The following GABPB2 variants were observed in gnomAD, a reference collection of about 807,000 sequenced individuals.
GABPB2 encodes GA-binding protein subunit beta-2.
In GABPB2, 23 loss-of-function variants were observed where a neutral mutation model predicts 39.1. The observed-to-expected ratio is 0.59, with a 90% CI of 0.42 to 0.83. GABPB2 has a LOEUF of 0.83. GABPB2 is among the 40% of genes least tolerant of loss of function. The pLI is 0.00. For missense variants in GABPB2, 467 were observed against 541.1 expected, an observed-to-expected ratio of 0.86 and a Z score of 1.36; for synonymous variants, 184 against 199.3, an observed-to-expected ratio of 0.92 and a Z score of 0.65.
intron 6 of GABPB2, among the ~76,000 whole-genome samples, chr1:151,105,823 A>G (rs887973058): frequency 1.3e-5 from 2 of 152,064 alleles, no homozygotes; most frequent in Non-Finnish European, 2.9e-5. Flanking sequence ...TTCTTGATTT[A>G]TCAGAGGAAA....
intron 1 of GABPB2, among the ~76,000 whole-genome samples, chr1:151,078,272 GA>G (rs749005394): frequency 0.014 from 1,346 of 95,090 alleles, 4 homozygotes; most frequent in Admixed American, 0.018. Flanking sequence ...ACTTCAACTC[GA>G]AAAAAAAAAA....
At chr1:151,094,598 C>T (rs1678970127) in intron 4 of GABPB2, among the ~76,000 whole-genome samples, 1 of 151,252 alleles carries the variant, frequency 6.6e-6, no homozygotes, top group African/African-American at 2.4e-5. Flanking sequence ...ATCCGCCTGC[C>T]TCGGCCTCCC....
chr1:151,075,137 C>T lies in GABPB2; in HGVS notation c.-1+4203C>T, dbSNP rs1571876496. Among the ~76,000 whole-genome samples the T allele has an allele frequency of 2.7e-5, 4 of 150,882 alleles. No individual in the cohort carries two copies. In the East Asian group the frequency reaches 8.0e-4, roughly 30 times the overall value. Reference sequence around the variant, plus strand: ...AGTCTGGGCGACAGAGTGAGACAGTCTCAAAAAACAAAACAAGGGCCAGGC... The same window carrying T: ...AGTCTGGGCGACAGAGTGAGACAGTTTCAAAAAACAAAACAAGGGCCAGGC... On this transcript the variant is annotated intron_variant, in intron 1 of 8. Transcript: ENST00000368918.
At chr1:151,112,688 A>C in intron 7 of GABPB2, 2 of 214,560 alleles carry the variant, frequency 9.3e-6, no homozygotes, top group South Asian at 7.9e-5. Flanking sequence ...ACCCTGGCCA[A>C]ATTTTTGTGG....
rs1681195630 is a variant in GABPB2 at position 151,121,857 on chromosome 1, T to C, written c.*3601T>C. 6.6e-6 allele frequency: 1 copy of C among 152,204 alleles called. No homozygotes were observed. Among genetic ancestry groups the C allele is most frequent in the African/African-American group, 2.4e-5 (1 of 41,456 alleles). The allele number at this position is 152,204 out of a possible 1,614,324, so 9.4% of individuals were successfully genotyped here. ...TTACAGAGGTTATTGCCTTTGAAAC[T>C]GGGCCCTCATCATTCTAGACTTGCT... On this transcript the variant is annotated 3_prime_UTR_variant, in exon 9 of 9. Transcript: ENST00000368918.
chr1:151,107,225 G>C lies in GABPB2; in HGVS notation c.922+3G>C. On this transcript the variant is annotated splice_donor_region_variant and intron_variant, in intron 7 of 8. Transcript: ENST00000368918. ...AACTGTGCAAGATGGACAGCAAGGT[G>C]AGTTATCTCTTGTAGACAATTGTTT... The C allele has an allele frequency of 1.3e-6, 2 of 1,560,700 alleles. No homozygotes were observed. The highest frequency in any genetic ancestry group is 1.7e-6 in the Non-Finnish European group (2 of 1,154,514).
In GABPB2 at chr1:151,118,422, C is replaced by A; in HGVS notation, c.*166C>A. The A allele has an allele frequency of 1.6e-6, 1 of 628,912 alleles. No individual in the cohort carries two copies. The highest frequency in any genetic ancestry group is 2.6e-6 in the Non-Finnish European group (1 of 387,366). The allele number at this position is 628,912 out of a possible 1,614,324, so 39.0% of individuals were successfully genotyped here. The stretch of plus-strand genomic sequence containing the variant: ...AGTTTCTCTGTGCAACTAGAAAATT[C>A]AAAGCCATATTTAGGGAACATTTTT... On this transcript the variant is annotated 3_prime_UTR_variant, in exon 9 of 9. Transcript: ENST00000368918.
chr1:151,093,300 G>C lies in GABPB2; in HGVS notation c.385G>C (p.Asp129His), dbSNP rs1336413434. Residue 129 changes from aspartate to histidine, a missense_variant, in exon 4 of 9, where the codon GAT becomes CAT. By Grantham distance (81) the Asp-to-His change is moderately conservative (BLOSUM62 -1). Transcript: ENST00000368918. Reference sequence around the variant, plus strand: ...AGAGTTACTTATCAAATATGGAGCTGATGTCCATGCTTTCAGCAAATTTGA... The same window carrying C: ...AGAGTTACTTATCAAATATGGAGCTCATGTCCATGCTTTCAGCAAATTTGA... ...VVELLIKYGADVHAFSKFDKS... is the reference protein window; with the variant it reads ...VVELLIKYGAHVHAFSKFDKS... 1 of 1,612,648 alleles carries C rather than the reference G, an allele frequency of 6.2e-7. No individual in the cohort carries two copies. The highest frequency in any genetic ancestry group is 8.5e-7 in the Non-Finnish European group (1 of 1,179,470).
Position 151,103,563 on chromosome 1 carries a change from T to G in GABPB2, c.624T>G (p.Gly208=), listed in dbSNP as rs1679705172. The G allele has an allele frequency of 1.9e-6, 3 of 1,608,884 alleles. No homozygotes were observed. Among genetic ancestry groups the G allele is most frequent in the Non-Finnish European group, 2.6e-6 (3 of 1,175,818 alleles). Residue 208 remains glycine, a splice_region_variant and synonymous_variant, in exon 6 of 9, where the codon GGT becomes GGG. Coordinates refer to ENST00000368918, the MANE Select transcript of GABPB2 (RefSeq NM_144618.3). ...ISSTNTKTTS[G]DPHASTVQFS... ...CATTTGTCTTTCTTACTGAAATAGG[T>G]GACCCCCATGCCTCAACAGTACAGT...
intron 1 of GABPB2, among the ~76,000 whole-genome samples, chr1:151,080,602 C>T (rs1404943778): frequency 1.3e-5 from 2 of 150,892 alleles, no homozygotes; most frequent in Admixed American, 1.3e-4. Context: ...AATCCCATCA[C>T]TTTGGGAGGC....
chr1:151,074,448 C>T (rs1275865328), intron 1 of GABPB2, among the ~76,000 whole-genome samples: 1 of 149,210 alleles, frequency 6.7e-6, no homozygotes. Context: ...ATAGCTGGGA[C>T]TGCAGGCCCC....
intron 5 of GABPB2, among the ~76,000 whole-genome samples, chr1:151,099,297 A>G (rs1679341241): frequency 6.6e-6 from 1 of 151,678 alleles, no homozygotes; most frequent in Non-Finnish European, 1.5e-5. Flanking sequence ...TCCCGGGTTC[A>G]AGCGATTCTC....
chr1:151,101,398 A>G (rs1280282972), intron 5 of GABPB2, among the ~76,000 whole-genome samples: 4 of 151,884 alleles, frequency 2.6e-5, no homozygotes, highest in African/African-American at 9.7e-5. Context: ...AACATGGTGA[A>G]ACCCCGTCTT....
At chr1:151,075,103 C>T (rs1257490972) in intron 1 of GABPB2, among the ~76,000 whole-genome samples, 1 of 151,992 alleles carries the variant, frequency 6.6e-6, no homozygotes, top group Non-Finnish European at 1.5e-5. Flanking sequence ...GATCGTGCCA[C>T]CGCACTCCAG....
intron 1 of GABPB2, among the ~76,000 whole-genome samples, chr1:151,085,671 C>T (rs1558132117): frequency 6.6e-6 from 1 of 152,004 alleles, no homozygotes; most frequent in South Asian, 2.1e-4. Context: ...CCAGGATGGT[C>T]TTGATCTCCT....
chr1:151,107,550 G>T (rs1199705962), intron 7 of GABPB2, among the ~76,000 whole-genome samples: 1 of 150,370 alleles, frequency 6.7e-6, no homozygotes, highest in Admixed American at 6.7e-5. Flanking sequence ...CACCCAGGCT[G>T]GAGTGCAGTG....
chr1:151,112,315 T>G (rs1284230125), intron 7 of GABPB2: 1 of 149,558 alleles, frequency 6.7e-6, no homozygotes, highest in Admixed American at 6.7e-5. Context: ...CGGATCAGAC[T>G]GTGCTGATTT....
intron 3 of GABPB2, among the ~76,000 whole-genome samples, chr1:151,092,256 T>C (rs1267302038): frequency 6.6e-6 from 1 of 150,666 alleles, no homozygotes; most frequent in Non-Finnish European, 1.5e-5. Flanking sequence ...ACAGGCGTGC[T>C]CCACCACACC....
At chr1:151,088,407 A>G in intron 2 of GABPB2, 110 bp downstream of exon 2, 2 of 1,237,518 alleles carry the variant, frequency 1.6e-6, no homozygotes, top group East Asian at 2.6e-5. Flanking sequence ...TCTACCTCAT[A>G]TCCCTTACAA....
Sources: gnomAD v4.1 joint callset for allele counts (sites outside exome capture counted in the v4.1 genomes callset) on GRCh38, gnomAD v4.1.1 for gene constraint, MANE v1.5 for transcripts, NCBI Gene and HGNC (gene_info 2026-07-23, HGNC 2026-07-21) for gene names.